The following NAV2 variants were observed in gnomAD, a reference collection of about 807,000 sequenced individuals.
NAV2 encodes the protein helicase, APC down-regulated 1.
NAV2 carries 54 observed loss-of-function variants against 223.2 expected under a neutral mutation model. The ratio of observed to expected loss-of-function variants is 0.24; its 90% CI spans 0.19 to 0.30. The LOEUF is 0.30. Ranked by LOEUF, NAV2 falls within the 10% of genes least tolerant of loss-of-function variation. The pLI is 1.00. For synonymous variants in NAV2, 1,279 were observed against 1,239.3 expected (o/e 1.03, Z -0.67); for missense variants, 2,806 against 3,147.5 (o/e 0.89, Z 2.60).
At chr11:19,979,840 C>T (rs934758926) in intron 10 of NAV2, among the ~76,000 whole-genome samples, 27 of 152,300 alleles carry the variant, frequency 1.8e-4, no homozygotes, top group South Asian at 1.2e-3. Flanking sequence ...GAAGAAATTG[C>T]GCTGAAATGC....
intron 1 of NAV2, among the ~76,000 whole-genome samples, chr11:19,831,243 T>TGGGGGGGGGG (rs1565392533): frequency 1.6e-3 from 3 of 1,868 alleles, no homozygotes; most frequent in African/African-American, 6.9e-3. Context: ...GGGGGCGCGA[T>TGGGGGGGGGG]GGGGAGTGGG....
intron 4 of NAV2, 75 bp from the exon 5 acceptor site, chr11:19,879,794 C>G (rs546513232): frequency 6.4e-7 from 1 of 1,555,956 alleles, no homozygotes; most frequent in South Asian, 1.1e-5. Flanking sequence ...ATCAAACTCA[C>G]GTGCCGACTG....
intron 1 of NAV2, among the ~76,000 whole-genome samples, chr11:19,732,579 A>C (rs2051894314): frequency 6.6e-6 from 1 of 152,228 alleles, no homozygotes; most frequent in Non-Finnish European, 1.5e-5. Flanking sequence ...AACCAGCCCA[A>C]GGAGGCATAG....
intron 1 of NAV2, among the ~76,000 whole-genome samples, chr11:19,390,090 C>T (rs972032596): frequency 6.6e-6 from 1 of 152,118 alleles, no homozygotes; most frequent in African/African-American, 2.4e-5. Context: ...GGATGGTTTA[C>T]ATGTGAAGCC....
chr11:19,826,142 T>C (rs527698550), intron 1 of NAV2, among the ~76,000 whole-genome samples: 25 of 152,282 alleles, frequency 1.6e-4, no homozygotes, highest in African/African-American at 6.0e-4. Context: ...GATTTAGAAT[T>C]GGAATTGGGG....
At chr11:19,840,573 CA>C (rs1194227510) in intron 2 of NAV2, among the ~76,000 whole-genome samples, 19 of 152,174 alleles carry the variant, frequency 1.2e-4, no homozygotes, top group African/African-American at 2.9e-4. Flanking sequence ...CCTTGATTCT[CA>C]AAAGCTGCAT....
chr11:19,779,459 TCAC>T (rs2056567504), intron 1 of NAV2, among the ~76,000 whole-genome samples: 1 of 152,386 alleles, frequency 6.6e-6, no homozygotes, highest in East Asian at 1.9e-4. Context: ...TTTTGTTCAT[TCAC>T]TTATTGATTG....
chr11:19,619,728 G>C (rs1034652541), intron 1 of NAV2, among the ~76,000 whole-genome samples: 2 of 152,138 alleles, frequency 1.3e-5, no homozygotes, highest in Non-Finnish European at 2.9e-5. Flanking sequence ...CACTCTGATG[G>C]TAGTTTCTTT....
chr11:19,842,784 G>GCCTCATACC, intron 2 of NAV2, 87 bp from the exon 3 acceptor site: 2 of 1,215,684 alleles, frequency 1.6e-6, no homozygotes, highest in Non-Finnish European at 2.4e-6. Context: ...TGGGCCTTAG[G>GCCTCATACC]ACTTGGTTGC....
intron 1 of NAV2, among the ~76,000 whole-genome samples, chr11:19,434,397 T>C (rs754604001): frequency 6.6e-6 from 1 of 152,200 alleles, no homozygotes; most frequent in Admixed American, 6.5e-5. Flanking sequence ...AGAATTCATA[T>C]GTCAGAATGG....
intron 1 of NAV2, among the ~76,000 whole-genome samples, chr11:19,358,208 C>A (rs541494714): frequency 1.3e-5 from 2 of 152,134 alleles, no homozygotes; most frequent in Admixed American, 1.3e-4. Context: ...AGAGGAGATG[C>A]GGATGGCAGA....
chr11:19,828,479 C>CTTT (rs2059764533), intron 1 of NAV2, among the ~76,000 whole-genome samples: 60 of 128,900 alleles, frequency 4.7e-4, no homozygotes, highest in African/African-American at 1.9e-3. Flanking sequence ...CTTAGAATTA[C>CTTT]GTTTTCAAGG....
At chr11:19,476,675 C>T (rs1464355476) in intron 1 of NAV2, among the ~76,000 whole-genome samples, 1 of 152,240 alleles carries the variant, frequency 6.6e-6, no homozygotes, top group Non-Finnish European at 1.5e-5. Flanking sequence ...AAGTCAATCG[C>T]TGTGTGCAGG....
In NAV2 at chr11:20,006,962, T is replaced by G. The variant is rs1295551689; in HGVS notation, c.2768+22715T>G. Among the ~76,000 whole-genome samples the G allele has an allele frequency of 3.3e-5, 5 of 152,080 alleles. No individual in the cohort carries two copies. The South Asian group carries it at 8.3e-4, about 25-fold the overall frequency. Reference sequence around the variant, plus strand: ...TTTCTAAAGATCATTTTCTTCTTTTTTTTTTTCTTTGGAGACAGTGTCTCA... The same window carrying G: ...TTTCTAAAGATCATTTTCTTCTTTTGTTTTTTCTTTGGAGACAGTGTCTCA... On this transcript the variant is annotated intron_variant, in intron 11 of 37. Transcript: ENST00000349880.
At chr11:19,839,449 G>A (rs180697501) in intron 2 of NAV2, among the ~76,000 whole-genome samples, 24 of 152,346 alleles carry the variant, frequency 1.6e-4, no homozygotes, top group Non-Finnish European at 2.6e-4. Context: ...CTTCTTAGAA[G>A]TGGGAAGACC....
intron 1 of NAV2, among the ~76,000 whole-genome samples, chr11:19,541,914 T>C (rs1372655945): frequency 6.6e-6 from 1 of 152,244 alleles, no homozygotes. Context: ...TAATTGCCTT[T>C]GGCTGGAAAG....
At chr11:20,050,409 C>T (rs1054645036) in intron 16 of NAV2, among the ~76,000 whole-genome samples, 2 of 151,882 alleles carry the variant, frequency 1.3e-5, no homozygotes, top group African/African-American at 2.4e-5. Context: ...CCATTTCCTG[C>T]GATGATAATG....
In NAV2 at chr11:19,949,028, A is replaced by T. The variant is rs747037572; in HGVS notation, c.2593A>T (p.Ser865Cys). 22 of 1,613,752 alleles carry T rather than the reference A, an allele frequency of 1.4e-5. No individual in the cohort carries two copies. The highest frequency in any genetic ancestry group is 1.8e-5 in the Non-Finnish European group (21 of 1,179,764). ...CAGCATGGATGCCCCCGGCTACATG[A>T]GCGACGGGGATGTTCTGAGCAAGAA... ...GISMDAPGYM[S>C]DGDVLSKNIR... The change falls in exon 10 of 38, where the codon AGC (serine) becomes TGC (cysteine). Residue 865 changes from serine (S) to cysteine (C), a missense_variant. Transcript: ENST00000349880.
intron 11 of NAV2, among the ~76,000 whole-genome samples, chr11:20,033,745 T>C (rs1024180475): frequency 6.6e-6 from 1 of 152,238 alleles, no homozygotes; most frequent in Non-Finnish European, 1.5e-5. Context: ...TTTGTCTTCC[T>C]GCCTGATCAG....
Sources: gnomAD v4.1 joint callset for allele counts (sites outside exome capture counted in the v4.1 genomes callset) on GRCh38, gnomAD v4.1.1 for gene constraint, MANE v1.5 for transcripts, NCBI Gene and HGNC (gene_info 2026-07-23, HGNC 2026-07-21) for gene names.